SYNE1: variants seen among roughly 807,000 people sequenced by gnomAD.
SYNE1 encodes the protein nesprin-1.
In SYNE1, 616 loss-of-function variants were observed where a neutral mutation model predicts 1,111.0. The observed-to-expected ratio is 0.55, with a 90% confidence interval of 0.52 to 0.59. The LOEUF (loss-of-function observed/expected upper bound fraction) is 0.59, where lower values mean the gene tolerates loss of function less well. Ranked by LOEUF, SYNE1 falls within the 20% of genes least tolerant of loss-of-function variation. The pLI, the probability that SYNE1 is intolerant of heterozygous loss-of-function variation, is 0.00. For missense variants in SYNE1, 10,006 were observed against 10,417.0 expected (o/e 0.96, Z 1.72); for synonymous variants, 3,855 against 3,825.8 (o/e 1.01, Z -0.28).
In SYNE1 at chr6:152,230,878, GGAA is replaced by G. The variant is rs372494335; in HGVS notation, c.21040-179_21040-177del. The stretch of plus-strand genomic sequence containing the variant: ...TCTTTTGGCTTCCCTGGGCCACACT[GGAA>G]GAAGAAGAATTGTCTTGAGCCACAC... On this transcript the variant is annotated intron_variant, in intron 114 of 145. Coordinates refer to ENST00000367255, the MANE Select transcript of SYNE1 (RefSeq NM_182961.4). Among the ~76,000 whole-genome samples, 219 of 152,008 alleles carry G rather than the reference GGAA, an allele frequency of 1.4e-3. 1 individual carries two copies. Among genetic ancestry groups the G allele is most frequent in the Non-Finnish European group, 1.8e-3 (124 of 67,984 alleles).
intron 58 of SYNE1, among the ~76,000 whole-genome samples, chr6:152,373,826 G>C (rs2097231452): frequency 6.6e-6 from 1 of 152,218 alleles, no homozygotes; most frequent in South Asian, 2.1e-4. Context: ...CTCTGGCTAA[G>C]ACTCGTTTAC....
intron 3 of SYNE1, among the ~76,000 whole-genome samples, chr6:152,616,195 C>T (rs1345886949): frequency 2.0e-5 from 3 of 151,968 alleles, no homozygotes; most frequent in South Asian, 2.1e-4. Flanking sequence ...ATTTTGAACC[C>T]GGAAAGATAA....
intron 127 of SYNE1, among the ~76,000 whole-genome samples, chr6:152,194,917 T>C (rs1446206308): frequency 6.6e-6 from 1 of 151,436 alleles, no homozygotes; most frequent in South Asian, 2.1e-4. Context: ...CTTACATTTA[T>C]TTTTTTATTT....
intron 131 of SYNE1, among the ~76,000 whole-genome samples, chr6:152,161,117 TC>T (rs1467001905): frequency 6.9e-6 from 1 of 145,406 alleles, no homozygotes; most frequent in East Asian, 2.1e-4. Context: ...TTTATAAAAG[TC>T]CCCCCAAAAA....
intron 128 of SYNE1, among the ~76,000 whole-genome samples, chr6:152,184,684 T>C (rs1020238897): frequency 2.7e-5 from 4 of 150,562 alleles, no homozygotes; most frequent in Admixed American, 6.6e-5. Context: ...AGATAAAATA[T>C]ATATTAAATC....
chr6:152,326,227 C>T lies in SYNE1; in HGVS notation c.15293+69G>A, dbSNP rs527669812. The T allele has an allele frequency of 9.5e-5, 153 of 1,611,012 alleles. 1 individual carries two copies. The South Asian group carries it at 1.5e-3, about 15-fold the overall frequency. On this transcript the variant is annotated intron_variant, in intron 79 of 145. Transcript: ENST00000367255. Reference sequence around the variant, plus strand: ...AATTTACGTGCTAATGTATATCATTCGTGTATTACTACTTTCAGTGTGGAA... The same window carrying T: ...AATTTACGTGCTAATGTATATCATTTGTGTATTACTACTTTCAGTGTGGAA...
At position 152,456,005 on chromosome 6, in the gene SYNE1, T is replaced by C; in HGVS notation, c.2608A>G (p.Thr870Ala). The change falls in exon 23 of 146, where the codon ACA becomes GCA. Residue 870 changes from threonine to alanine, a missense_variant. By Grantham distance (58) the Thr-to-Ala change is moderately conservative (BLOSUM62 0). This residue lies in a region of SYNE1 where 1,971 missense variants were observed against 2,084.1 expected (regional missense o/e 0.95). Coordinates refer to ENST00000367255, the MANE Select transcript of SYNE1 (RefSeq NM_182961.4). Reference sequence around the variant, plus strand: ...CTTTGACTGCCTTTCTCAATAAGTGTCAAGGTTTTCTTACAGTTTTCTTGA... The same window carrying C: ...CTTTGACTGCCTTTCTCAATAAGTGCCAAGGTTTTCTTACAGTTTTCTTGA... ...ACQENCKKTL[T>A]LIEKGSQSVQ... The C allele has an allele frequency of 1.9e-6, 3 of 1,614,004 alleles. No individual in the cohort carries two copies. Among genetic ancestry groups the C allele is most frequent in the Non-Finnish European group, 1.7e-6 (2 of 1,180,004 alleles).
At position 152,122,331 on chromosome 6, in the gene SYNE1, G is replaced by T; in HGVS notation, c.*105C>A. The stretch of plus-strand genomic sequence containing the variant: ...GGAGGAGGGCTAAAGCTGCCACACC[G>T]AGGGCTTTCGCCAAGATCAAGGTCC... On this transcript the variant is annotated 3_prime_UTR_variant, in exon 146 of 146. Transcript: ENST00000367255. 1.9e-6 allele frequency: 3 copies of T among 1,593,044 alleles called. No individual in the cohort carries two copies. The highest frequency in any genetic ancestry group is 8.6e-7 in the Non-Finnish European group (1 of 1,164,560).
chr6:152,569,135 A>G (rs1353107869), intron 3 of SYNE1, among the ~76,000 whole-genome samples: 1 of 152,190 alleles, frequency 6.6e-6, no homozygotes, highest in Non-Finnish European at 1.5e-5. Flanking sequence ...ACTTGTTAGA[A>G]ATGTAAATTC....
chr6:152,127,519 T>C (rs550882041), intron 145 of SYNE1: 1 of 152,304 alleles, frequency 6.6e-6, no homozygotes, highest in East Asian at 1.9e-4. Context: ...TTCGGCCTTT[T>C]CTCTCGGGAA....
Position 152,629,738 on chromosome 6 carries a change from C to T in SYNE1, c.-223-1184G>A, listed in dbSNP as rs535755455. ...TGCACCAAGAGAAAGAAACGGCCTC[C>T]GAAGAGGCCCACAGGGAGGTGATAC... On this transcript the variant is annotated intron_variant, in intron 2 of 145. Transcript: ENST00000367255. Among the ~76,000 whole-genome samples, 734 of 151,974 alleles carry T rather than the reference C, an allele frequency of 4.8e-3. 9 individuals are homozygous for T. Among genetic ancestry groups the T allele is most frequent in the South Asian group, 0.014 (68 of 4,802 alleles).
Position 152,350,339 on chromosome 6 carries a change from CA to C in SYNE1, c.11734-5del. 1 of 1,614,132 alleles carries C rather than the reference CA, an allele frequency of 6.2e-7. No homozygotes were observed. Among genetic ancestry groups the C allele is most frequent in the South Asian group, 1.1e-5 (1 of 91,084 alleles). ...CCTCCAGACTGAAGACATGCTCCTG[CA>C]AAACCAGGTGTCCATCAGAGATGAC... On this transcript the variant is annotated splice_region_variant and splice_polypyrimidine_tract_variant and intron_variant, in intron 71 of 145. Transcript: ENST00000367255.
At chr6:152,160,402 C>G (rs1023661373) in intron 131 of SYNE1, among the ~76,000 whole-genome samples, 4 of 152,312 alleles carry the variant, frequency 2.6e-5, no homozygotes, top group Admixed American at 2.6e-4. Flanking sequence ...TCCTAGAGCA[C>G]CCAGAGCCCC....
chr6:152,455,877 G>A lies in SYNE1; in HGVS notation c.2727+9C>T, dbSNP rs1194792504. Reference sequence around the variant, plus strand: ...GGCTCACAGCTCTAAAGCAGGGAGAGCAAATTACCTGAAAAGCAACATGAA... The same window carrying A: ...GGCTCACAGCTCTAAAGCAGGGAGAACAAATTACCTGAAAAGCAACATGAA... On this transcript the variant is annotated intron_variant, in intron 23 of 145. Transcript: ENST00000367255. 1.2e-6 allele frequency: 2 copies of A among 1,613,854 alleles called. No homozygotes were observed. The highest frequency in any genetic ancestry group is 2.7e-5 in the African/African-American group (2 of 74,916).
At chr6:152,426,464 C>T (rs147712039) in intron 38 of SYNE1, among the ~76,000 whole-genome samples, 3 of 152,334 alleles carry the variant, frequency 2.0e-5, no homozygotes, top group Non-Finnish European at 2.9e-5. Context: ...GCCCACGAGG[C>T]GAGGCTGCCT....
chr6:152,220,977 T>G lies in SYNE1; in HGVS notation c.21726A>C (p.Gln7242His). The part of the protein sequence containing the change: ...QSSKALLQLW[Q>H]RYKDYSKQCA... ...ACTGTTTGGAGTAGTCCTTGTATCT[T>G]TGCCAAAGCTGAAGTAGGGCCTTGC... Residue 7242 changes from glutamine (Q) to histidine (H), a missense_variant, in exon 119 of 146, where the codon CAA becomes CAC. Physicochemically the swap from Gln to His is conservative, Grantham distance 24 (BLOSUM62 0). Around this residue, in one of 7 missense-constraint regions of SYNE1, gnomAD observed 2,182 missense variants for 2,287.8 expected, o/e 0.95. Transcript: ENST00000367255. 1 of 1,614,166 alleles carries G rather than the reference T, an allele frequency of 6.2e-7. No homozygotes were observed. The highest frequency in any genetic ancestry group is 8.5e-7 in the Non-Finnish European group (1 of 1,180,002).
At position 152,206,195 on chromosome 6, in the gene SYNE1, C is replaced by G; in HGVS notation, c.22992G>C (p.Gln7664His). 6.2e-7 allele frequency: 1 copy of G among 1,613,632 alleles called. No homozygotes were observed. The part of the protein sequence containing the change: ...WKSASMRLEE[Q>H]KKKLAFLLKD... Reference sequence around the variant, plus strand: ...TCAACAAGAAGGCTAGTTTTTTCTTCTGTTCTTCCAGCCGCATGCTGGCTG... The same window carrying G: ...TCAACAAGAAGGCTAGTTTTTTCTTGTGTTCTTCCAGCCGCATGCTGGCTG... The change falls in exon 126 of 146, where the codon CAG (glutamine) becomes CAC (histidine). Residue 7664 changes from glutamine to histidine, a missense_variant. Gln to His is a conservative substitution (Grantham distance 24). This residue lies in a region of SYNE1 where 2,182 missense variants were observed against 2,287.8 expected (regional missense o/e 0.95). Transcript: ENST00000367255.
At chr6:152,499,840 T>C (rs1419698277) in intron 10 of SYNE1, among the ~76,000 whole-genome samples, 1 of 152,218 alleles carries the variant, frequency 6.6e-6, no homozygotes, top group Non-Finnish European at 1.5e-5. Context: ...AGGAAAGGGA[T>C]AGAGGGAATT....
intron 115 of SYNE1, among the ~76,000 whole-genome samples, chr6:152,226,981 T>C (rs7771256): frequency 0.012 from 1,753 of 152,274 alleles, 29 homozygotes; most frequent in African/African-American, 0.04. Context: ...CCAAATACTT[T>C]AACTTTGGAT....
Sources: allele counts gnomAD v4.1 joint callset (sites outside exome capture counted in the v4.1 genomes callset), GRCh38; gene constraint gnomAD v4.1.1; regional missense constraint gnomAD v4.1.1; transcripts MANE v1.5; gene names NCBI Gene and HGNC (gene_info 2026-07-23, HGNC 2026-07-21).